The following ASPHD1 variants were observed in gnomAD, a reference collection of about 807,000 sequenced individuals.
ASPHD1 encodes aspartate beta-hydroxylase domain containing 1, also known as aspartate beta-hydroxylase domain-containing protein 1.
ASPHD1 carries 20 observed loss-of-function variants against 28.3 expected under a neutral mutation model. The observed-to-expected ratio is 0.71, with a 90% CI of 0.50 to 1.03. The LOEUF (loss-of-function observed/expected upper bound fraction) is 1.03, where lower values mean the gene tolerates loss of function less well. Among genes scored for constraint, ASPHD1 ranks in the 50% least tolerant of loss-of-function variants. The pLI is 0.00. For missense variants in ASPHD1, 479 were observed against 524.1 expected (o/e 0.91, Z 0.84); for synonymous variants, 240 against 221.2 (o/e 1.08, Z -0.75).
chr16:29,906,938 G>A, downstream of ASPHD1: 15 of 1,614,192 alleles, frequency 9.3e-6, no homozygotes, highest in Middle Eastern at 1.6e-4. Flanking sequence ...GCCGGACATG[G>A]ATCCTGCGGA....
At chr16:29,905,712 A>T in intron 2 of ASPHD1, 76 bp from the exon 3 acceptor site, 3 of 793,358 alleles carry the variant, frequency 3.8e-6, no homozygotes, top group Non-Finnish European at 4.1e-6. Flanking sequence ...GTTTGCTTTT[A>T]TGGTGTTTGG....
At chr16:29,916,785 T>A (rs2068817547) in intron 3 of ASPHD1, among the ~76,000 whole-genome samples, 1 of 152,228 alleles carries the variant, frequency 6.6e-6, no homozygotes, top group African/African-American at 2.4e-5. Flanking sequence ...TGGGTGGCCC[T>A]GGCCCAGAAT....
chr16:29,911,587 C>T (rs917172417), intron 3 of ASPHD1: 1 of 597,754 alleles, frequency 1.7e-6, no homozygotes, highest in Non-Finnish European at 3.0e-6. Context: ...GATAGGCTCG[C>T]CACTATCACT....
At chr16:29,912,189 G>C (rs4548895) in intron 3 of ASPHD1, 1 of 663,006 alleles carries the variant, frequency 1.5e-6, no homozygotes. Flanking sequence ...AGCTCCGCCA[G>C]CCTCTCTGCC....
chr16:29,901,500 A>G lies in ASPHD1; in HGVS notation c.529A>G (p.Arg177Gly). The G allele has an allele frequency of 6.2e-7, 1 of 1,600,918 alleles. No homozygotes were observed. Among genetic ancestry groups the G allele is most frequent in the South Asian group, 1.1e-5 (1 of 90,620 alleles). The change falls in exon 1 of 3, where the codon AGA becomes GGA. Residue 177 changes from arginine (R) to glycine (G), a missense_variant. Physicochemically the swap from Arg to Gly is moderately radical, Grantham distance 125. Coordinates refer to ENST00000308748, the MANE Select transcript of ASPHD1 (RefSeq NM_181718.4). This position sits in a 1 kb window ranked among gnomAD's most constrained non-coding sequence, Gnocchi z 5.1. ...RAAQGGPGPGRGPGVLGIQRP... is the reference protein window; with the variant it reads ...RAAQGGPGPGGGPGVLGIQRP... ...AGCTCAGGGTGGCCCAGGCCCTGGG[A>G]GAGGGCCAGGGGTCCTAGGTATTCA... is the stretch of plus-strand genomic sequence containing the variant.
chr16:29,918,649 TTTTA>T (rs935758006), intron 3 of ASPHD1, among the ~76,000 whole-genome samples: 19 of 151,788 alleles, frequency 1.3e-4, no homozygotes, highest in Admixed American at 7.2e-4. Flanking sequence ...TTTTGTAATT[TTTTA>T]TTTATTTATT....
chr16:29,905,700 C>A, intron 2 of ASPHD1, 88 bp from the exon 3 acceptor site: 11 of 580,322 alleles, frequency 1.9e-5, no homozygotes, highest in African/African-American at 3.9e-5. Context: ...CACTTATTTA[C>A]TGTTTGCTTT....
At chr16:29,904,756 C>G (rs2068585610) in intron 1 of ASPHD1, 96 bp from the exon 2 acceptor site, 6 of 705,494 alleles carry the variant, frequency 8.5e-6, no homozygotes, top group Non-Finnish European at 1.4e-5. Flanking sequence ...CAAAACCTGG[C>G]ATTTAAGACA....
At position 29,901,701 on chromosome 16, in the gene ASPHD1, C is replaced by G. The variant is rs543159015; in HGVS notation, c.730C>G (p.Pro244Ala). Residue 244 changes from proline to alanine, a missense_variant, in exon 1 of 3, where the codon CCT becomes GCT. Physicochemically the swap from Pro to Ala is conservative, Grantham distance 27. Coordinates refer to ENST00000308748, the MANE Select transcript of ASPHD1 (RefSeq NM_181718.4). The surrounding 1 kb of genome is among the most constrained non-coding windows in gnomAD (Gnocchi z 5.1). ...TTPPPRGWSP[P>A]LAPGCYQLLL... ...CCCTCCGCCTCGGGGCTGGTCCCCA[C>G]CTCTGGCCCCCGGGTGCTACCAGCT... is the stretch of plus-strand genomic sequence containing the variant. The G allele has an allele frequency of 6.7e-5, 106 of 1,579,126 alleles. No homozygotes were observed. The East Asian group carries it at 1.9e-3, about 28-fold the overall frequency.
At chr16:29,908,370 T>C (rs2068649156), downstream of ASPHD1, among the ~76,000 whole-genome samples, 1 of 152,120 alleles carries the variant, frequency 6.6e-6, no homozygotes, top group African/African-American at 2.4e-5. Context: ...AACTGTTTTT[T>C]TAATTTTTTA....
At chr16:29,910,194 T>G (rs1202875914), downstream of ASPHD1, among the ~76,000 whole-genome samples, 1 of 150,906 alleles carries the variant, frequency 6.6e-6, no homozygotes, top group African/African-American at 2.4e-5. Flanking sequence ...GGTCAAGAGA[T>G]TGAGACCATC....
At chr16:29,907,632 C>CA (rs1002047430), downstream of ASPHD1, among the ~76,000 whole-genome samples, 3 of 151,606 alleles carry the variant, frequency 2.0e-5, no homozygotes, top group African/African-American at 7.3e-5. Context: ...ACCAAAAATA[C>CA]AAAAAATTAG....
chr16:29,909,782 G>C (rs953233846), downstream of ASPHD1, among the ~76,000 whole-genome samples: 14 of 151,286 alleles, frequency 9.3e-5, no homozygotes, highest in Non-Finnish European at 2.1e-4. Flanking sequence ...TCAAATTCCT[G>C]GGCTAGGGCG....
intron 3 of ASPHD1, chr16:29,911,346 C>A: frequency 1.6e-6 from 1 of 614,584 alleles, no homozygotes; most frequent in Non-Finnish European, 2.9e-6. Context: ...AGAAGGGAAG[C>A]CACATGCGCT....
intron 2 of ASPHD1, chr16:29,905,253 A>C: frequency 3.1e-6 from 1 of 325,492 alleles, no homozygotes; most frequent in Non-Finnish European, 5.7e-6. Context: ...CAAAGGACTT[A>C]ACCTCCTTAT....
chr16:29,916,644 G>A (rs1396458852), intron 3 of ASPHD1, among the ~76,000 whole-genome samples: 1 of 152,156 alleles, frequency 6.6e-6, no homozygotes, highest in Non-Finnish European at 1.5e-5. Flanking sequence ...CTGGAGGACT[G>A]CTTGAGGTCA....
chr16:29,904,819 A>G (rs780846636), intron 1 of ASPHD1, 33 bp from the exon 2 acceptor site: 3 of 1,481,830 alleles, frequency 2.0e-6, no homozygotes, highest in Non-Finnish European at 2.8e-6. Flanking sequence ...GGATGGAGGC[A>G]GGAGTGCTGG....
At chr16:29,906,757 A>C, downstream of ASPHD1, 2 of 819,628 alleles carry the variant, frequency 2.4e-6, no homozygotes, top group Non-Finnish European at 4.0e-6. Flanking sequence ...CAATGAAGGG[A>C]CAGAGGAGGA....
intron 3 of ASPHD1, chr16:29,911,154 G>T (rs2068701225): frequency 6.2e-7 from 1 of 1,613,956 alleles, no homozygotes; most frequent in Non-Finnish European, 8.5e-7. Context: ...ATGTTCTTAA[G>T]TAGGTTGTCA....
Sources: allele counts gnomAD v4.1 joint callset (sites outside exome capture counted in the v4.1 genomes callset), GRCh38; gene constraint gnomAD v4.1.1; non-coding constraint Gnocchi (gnomAD v3.1); transcripts MANE v1.5; gene names NCBI Gene and HGNC (gene_info 2026-07-23, HGNC 2026-07-21).